The following SYN2 variants were observed in gnomAD, a reference collection of about 807,000 sequenced individuals.
SYN2 encodes the protein synapsin II.
A neutral mutation model predicts 50.9 loss-of-function variants in SYN2; 19 were observed. That is an observed-to-expected ratio of 0.37 (90% CI 0.26 to 0.55). The LOEUF is 0.55. Ranked by LOEUF, SYN2 falls within the 20% of genes least tolerant of loss-of-function variation. The pLI is 0.81. For synonymous variants in SYN2, 255 were observed against 224.9 expected (o/e 1.13, Z -1.20); for missense variants, 587 against 576.4 (o/e 1.02, Z -0.19).
At chr3:12,013,898 T>C (rs1693967765) in intron 1 of SYN2, among the ~76,000 whole-genome samples, 2 of 152,334 alleles carry the variant, frequency 1.3e-5, no homozygotes, top group South Asian at 2.1e-4. Context: ...TGCACTTCCA[T>C]ACACACATTG....
At chr3:12,014,528 T>C (rs980106012) in intron 1 of SYN2, among the ~76,000 whole-genome samples, 1 of 152,186 alleles carries the variant, frequency 6.6e-6, no homozygotes, top group Admixed American at 6.5e-5. Context: ...TGGAAAGTAT[T>C]ATCTAGTCCA....
chr3:12,088,230 A>G (rs57745140), intron 1 of SYN2, among the ~76,000 whole-genome samples: 2 of 152,118 alleles, frequency 1.3e-5, no homozygotes. Context: ...AAACAACCCA[A>G]TTTTTTTAAA....
At chr3:12,084,043 CTGTT>C (rs1416796444) in intron 1 of SYN2, among the ~76,000 whole-genome samples, 1 of 152,160 alleles carries the variant, frequency 6.6e-6, no homozygotes, top group African/African-American at 2.4e-5. Context: ...TATGGCATCT[CTGTT>C]AGGTAGCCAT....
At chr3:12,158,746 C>CT (rs761580264) in intron 5 of SYN2, 5 of 1,608,792 alleles carry the variant, frequency 3.1e-6, no homozygotes, top group Non-Finnish European at 4.2e-6. Flanking sequence ...CGCCGGGGCG[C>CT]AGCTGCATGC....
At chr3:12,014,230 A>G (rs1206716293) in intron 1 of SYN2, among the ~76,000 whole-genome samples, 1 of 152,196 alleles carries the variant, frequency 6.6e-6, no homozygotes, top group Non-Finnish European at 1.5e-5. Flanking sequence ...AGGGCTTGAC[A>G]CATAGATTGA....
At chr3:12,013,142 A>G (rs1017595783) in intron 1 of SYN2, among the ~76,000 whole-genome samples, 2 of 152,264 alleles carry the variant, frequency 1.3e-5, no homozygotes, top group African/African-American at 4.8e-5. Flanking sequence ...AAATTTTTAA[A>G]TAGTTTTGTA....
At chr3:12,153,357 G>T in intron 5 of SYN2, 1 of 827,282 alleles carries the variant, frequency 1.2e-6, no homozygotes, top group Non-Finnish European at 2.0e-6. Flanking sequence ...GAAAAGTCAT[G>T]GCCCCTTCCC....
chr3:12,185,896 A>G (rs1698333452), intron 11 of SYN2, among the ~76,000 whole-genome samples: 1 of 152,226 alleles, frequency 6.6e-6, no homozygotes, highest in Non-Finnish European at 1.5e-5. Flanking sequence ...GTTAATGTGA[A>G]ATAATCTGCT....
intron 1 of SYN2, among the ~76,000 whole-genome samples, chr3:12,135,085 A>G (rs924433432): frequency 6.6e-6 from 1 of 152,210 alleles, no homozygotes; most frequent in Non-Finnish European, 1.5e-5. Context: ...GAGACAGTTA[A>G]TGTTTGGGTA....
At chr3:12,115,243 G>A (rs1696407161) in intron 1 of SYN2, among the ~76,000 whole-genome samples, 1 of 152,124 alleles carries the variant, frequency 6.6e-6, no homozygotes, top group African/African-American at 2.4e-5. Context: ...CCTTATTCCG[G>A]TTTATCATTA....
At chr3:12,052,306 CT>C (rs201378913) in intron 1 of SYN2, among the ~76,000 whole-genome samples, 7,378 of 145,084 alleles carry the variant, frequency 0.051, 243 homozygotes, top group East Asian at 0.14. Flanking sequence ...TTTTTTTCTT[CT>C]TTTTTTTTTT....
chr3:12,162,260 G>C lies in SYN2; in HGVS notation c.980+106G>C, dbSNP rs1014082196. The C allele has an allele frequency of 1.8e-5, 25 of 1,424,072 alleles. No homozygotes were observed. In the African/African-American group the frequency reaches 3.3e-4, roughly 19 times the overall value. The allele number at this position is 1,424,072 out of a possible 1,614,324, so 88.2% of individuals were successfully genotyped here. ...CAGAGAGGGTGCCACTTAAGTCAGA[G>C]ATTTTTTTACCTGGGTTCCTTTTAA... On this transcript the variant is annotated intron_variant, in intron 7 of 12. Coordinates refer to ENST00000621198, the MANE Select transcript of SYN2 (RefSeq NM_133625.6).
At chr3:12,049,909 AGCAATCTC>A (rs1438632895) in intron 1 of SYN2, among the ~76,000 whole-genome samples, 1 of 152,118 alleles carries the variant, frequency 6.6e-6, no homozygotes, top group Non-Finnish European at 1.5e-5. Context: ...TGCAACACAA[AGCAATCTC>A]GACAGTTTTT....
intron 1 of SYN2, among the ~76,000 whole-genome samples, chr3:12,136,909 C>T (rs1322841631): frequency 3.3e-5 from 5 of 151,962 alleles, no homozygotes; most frequent in Non-Finnish European, 7.4e-5. Context: ...GGATTGAGCA[C>T]AAGGGGATGA....
chr3:12,143,982 G>T (rs1021842478), intron 3 of SYN2, among the ~76,000 whole-genome samples: 1 of 152,210 alleles, frequency 6.6e-6, no homozygotes, highest in Non-Finnish European at 1.5e-5. Context: ...TCTCAGCCTG[G>T]GTGCAGCTGG....
intron 1 of SYN2, among the ~76,000 whole-genome samples, chr3:12,068,504 G>A (rs781713513): frequency 2.8e-4 from 43 of 152,094 alleles, no homozygotes; most frequent in Middle Eastern, 3.2e-3. Flanking sequence ...TTGACTCTCT[G>A]GAGCCCTTTC....
intron 1 of SYN2, among the ~76,000 whole-genome samples, chr3:12,063,472 G>A (rs1695153652): frequency 6.6e-6 from 1 of 151,990 alleles, no homozygotes. Context: ...CATGTATACT[G>A]AAATTGAACA....
At chr3:12,078,570 C>T (rs1695521458) in intron 1 of SYN2, among the ~76,000 whole-genome samples, 1 of 152,078 alleles carries the variant, frequency 6.6e-6, no homozygotes, top group Non-Finnish European at 1.5e-5. Flanking sequence ...AATCCTTTCC[C>T]CATTGCTTGT....
chr3:12,162,465 A>G (rs1349265708), intron 7 of SYN2, among the ~76,000 whole-genome samples: 1 of 152,222 alleles, frequency 6.6e-6, no homozygotes, highest in Non-Finnish European at 1.5e-5. Flanking sequence ...CTTAGATCTT[A>G]TAGTTGAGAC....
Sources: gnomAD v4.1 joint callset for allele counts (sites outside exome capture counted in the v4.1 genomes callset) on GRCh38, gnomAD v4.1.1 for gene constraint, MANE v1.5 for transcripts, NCBI Gene and HGNC (gene_info 2026-07-23, HGNC 2026-07-21) for gene names.